Variants in ACTN1 observed in about 807,000 individuals in gnomAD.
The protein encoded by ACTN1 is alpha-actinin-1.
In ACTN1, 30 loss-of-function variants were observed where a neutral mutation model predicts 119.6. The ratio of observed to expected loss-of-function variants is 0.25; its 90% CI spans 0.19 to 0.34. ACTN1 has a LOEUF of 0.34. Ranked by LOEUF, ACTN1 falls within the 10% of genes least tolerant of loss-of-function variation. The pLI is 1.00. For synonymous variants in ACTN1, 429 were observed against 472.6 expected, an observed-to-expected ratio of 0.91 and a Z score of 1.20; for missense variants, 764 against 1,223.4, an observed-to-expected ratio of 0.62 and a Z score of 5.60.
In ACTN1 at chr14:68,925,056, C is replaced by T. The variant is rs1448906078; in HGVS notation, c.220+502G>A. Among the ~76,000 whole-genome samples the T allele has an allele frequency of 6.6e-6, 1 of 152,148 alleles. No individual in the cohort carries two copies. The highest frequency in any genetic ancestry group is 1.5e-5 in the Non-Finnish European group (1 of 68,028). On this transcript the variant is annotated intron_variant, in intron 2 of 21. Transcript: ENST00000394419. This position sits in a 1 kb window ranked among gnomAD's most constrained non-coding sequence, Gnocchi z 4.3. ...AGCTAACATGGCCCAGTGTATCAAC[C>T]AAGGCTAGACTCACAGGACTCCCAC... is the stretch of plus-strand genomic sequence containing the variant.
At chr14:68,931,354 G>A (rs1237091585) in intron 1 of ACTN1, among the ~76,000 whole-genome samples, 2 of 152,224 alleles carry the variant, frequency 1.3e-5, no homozygotes, top group Non-Finnish European at 2.9e-5. Flanking sequence ...GGACAGACAG[G>A]TGTTGTCAAG....
intron 6 of ACTN1, among the ~76,000 whole-genome samples, chr14:68,905,681 G>C (rs974356148): frequency 6.6e-6 from 1 of 152,298 alleles, no homozygotes. Flanking sequence ...GTTATGCTCA[G>C]TGAAATAAGC....
intron 1 of ACTN1, among the ~76,000 whole-genome samples, chr14:68,963,905 T>C (rs953292206): frequency 6.6e-6 from 1 of 152,338 alleles, no homozygotes; most frequent in Non-Finnish European, 1.5e-5. Flanking sequence ...CTCCTGTGTG[T>C]GAATTTTCCA....
At chr14:68,914,272 T>C (rs1055883686) in intron 3 of ACTN1, among the ~76,000 whole-genome samples, 1 of 152,198 alleles carries the variant, frequency 6.6e-6, no homozygotes. Flanking sequence ...AAATGCACTT[T>C]CATTTGTTAT....
intron 13 of ACTN1, 37 bp downstream of exon 13, chr14:68,884,738 C>A: frequency 6.5e-7 from 1 of 1,547,592 alleles, no homozygotes; most frequent in South Asian, 1.1e-5. Context: ...ACAGGGCTGC[C>A]GGATATGGGC....
chr14:68,900,278 T>C (rs1244946167), intron 8 of ACTN1, among the ~76,000 whole-genome samples: 53 of 152,142 alleles, frequency 3.5e-4, no homozygotes. Flanking sequence ...ATCTGCAGGA[T>C]CACTTTAGTA....
chr14:68,885,638 C>T lies in ACTN1; in HGVS notation c.1235-63G>A. 1 of 1,570,060 alleles carries T rather than the reference C, an allele frequency of 6.4e-7. No individual in the cohort carries two copies. The highest frequency in any genetic ancestry group is 8.6e-7 in the Non-Finnish European group (1 of 1,159,196). ...AGAAGCATCTCCTTGGTCCCAACCG[C>T]CCACCCCTCAGGGCCCCAGGAGCTC... On this transcript the variant is annotated intron_variant, in intron 11 of 21. Transcript: ENST00000394419. This position sits in a 1 kb window ranked among gnomAD's most constrained non-coding sequence, Gnocchi z 5.6.
At chr14:68,887,922 T>C (rs1471926106) in intron 11 of ACTN1, 34 of 896,200 alleles carry the variant, frequency 3.8e-5, no homozygotes, top group Non-Finnish European at 6.2e-5. Flanking sequence ...GCTCCCTTTT[T>C]CCCTTTTGTT....
At chr14:68,929,537 C>T (rs541132781) in intron 1 of ACTN1, among the ~76,000 whole-genome samples, 1 of 152,308 alleles carries the variant, frequency 6.6e-6, no homozygotes, top group Non-Finnish European at 1.5e-5. Flanking sequence ...CTCCTTGGGC[C>T]ATACTCAGGC....
At chr14:68,977,889 G>A in intron 1 of ACTN1, 1 of 453,116 alleles carries the variant, frequency 2.2e-6, no homozygotes, top group Non-Finnish European at 4.4e-6. Context: ...GTGGGCAGCC[G>A]GGAGGAGGGG....
At chr14:68,897,419 G>T (rs988958171) in intron 8 of ACTN1, among the ~76,000 whole-genome samples, 2 of 152,096 alleles carry the variant, frequency 1.3e-5, no homozygotes, top group African/African-American at 4.8e-5. Flanking sequence ...TTTTTTAAAA[G>T]ATATGAACTA....
chr14:68,938,433 T>C (rs764915393), intron 1 of ACTN1, among the ~76,000 whole-genome samples: 2 of 152,072 alleles, frequency 1.3e-5, no homozygotes, highest in Non-Finnish European at 2.9e-5. Context: ...TCTGTCTGCT[T>C]GGACAGGAGA....
intron 1 of ACTN1, chr14:68,936,640 G>A: frequency 1.6e-6 from 1 of 615,322 alleles, no homozygotes; most frequent in Admixed American, 2.1e-5. Context: ...TCGTGGCAGA[G>A]CCCATGGGGG....
intron 1 of ACTN1, among the ~76,000 whole-genome samples, chr14:68,928,634 A>G (rs2035048753): frequency 6.6e-6 from 1 of 152,234 alleles, no homozygotes; most frequent in Admixed American, 6.5e-5. Flanking sequence ...ACAGCGCTCC[A>G]TAAAAGTTAA....
At position 68,896,966 on chromosome 14, in the gene ACTN1, T is replaced by C. The variant is rs535820019; in HGVS notation, c.763-3219A>G. 5.3e-5 allele frequency among the ~76,000 whole-genome samples: 8 copies of C among 152,252 alleles called. 1 individual carries two copies. In the South Asian group the frequency reaches 1.7e-3, roughly 32 times the overall value. On this transcript the variant is annotated intron_variant, in intron 8 of 21. Coordinates refer to ENST00000394419, the MANE Select transcript of ACTN1 (RefSeq NM_001130004.2). ...TGTGTTTCCTTTCCCTTAGTTTGTA[T>C]TTTCATGGTTGTTTTGTTTGTTTTT...
intron 7 of ACTN1, among the ~76,000 whole-genome samples, chr14:68,903,749 G>C (rs900144892): frequency 1.3e-5 from 2 of 152,066 alleles, no homozygotes; most frequent in Non-Finnish European, 2.9e-5. Context: ...CCCCAGCCTG[G>C]AGCTGCCAGC....
intron 2 of ACTN1, among the ~76,000 whole-genome samples, chr14:68,923,165 G>A (rs987495517): frequency 1.9e-4 from 29 of 152,320 alleles, no homozygotes; most frequent in African/African-American, 6.3e-4. Flanking sequence ...CCGGAGCACC[G>A]CCTACATGTC....
intron 1 of ACTN1, among the ~76,000 whole-genome samples, chr14:68,933,122 C>T (rs1321312197): frequency 6.6e-6 from 1 of 150,820 alleles, no homozygotes; most frequent in Non-Finnish European, 1.5e-5. Flanking sequence ...GTCCTTACCT[C>T]CTTGTATTTT....
chr14:68,959,046 C>T (rs1160842523), intron 1 of ACTN1, among the ~76,000 whole-genome samples: 4 of 152,188 alleles, frequency 2.6e-5, no homozygotes, highest in African/African-American at 7.2e-5. Flanking sequence ...AATGGCAAAA[C>T]CCGCGATTAC....
Sources: allele counts gnomAD v4.1 joint callset (sites outside exome capture counted in the v4.1 genomes callset), GRCh38; gene constraint gnomAD v4.1.1; non-coding constraint Gnocchi (gnomAD v3.1); transcripts MANE v1.5; gene names NCBI Gene and HGNC (gene_info 2026-07-23, HGNC 2026-07-21).